TXNDC16: variants seen among roughly 807,000 people sequenced by gnomAD.
TXNDC16 encodes thioredoxin domain containing 16.
Under a neutral mutation model 85.6 loss-of-function variants are expected in TXNDC16, and 74 were observed. The ratio of observed to expected loss-of-function variants is 0.86; its 90% CI spans 0.72 to 1.05. The LOEUF is 1.05. Ranked by LOEUF, TXNDC16 falls within the 50% of genes least tolerant of loss-of-function variation. The pLI, the probability that TXNDC16 is intolerant of heterozygous loss-of-function variation, is 0.00. For synonymous variants in TXNDC16, 335 were observed against 326.5 expected (o/e 1.03, Z -0.28); for missense variants, 959 against 947.0 (o/e 1.01, Z -0.17).
intron 18 of TXNDC16, among the ~76,000 whole-genome samples, chr14:52,451,677 G>A (rs982843122): frequency 2.6e-5 from 4 of 151,888 alleles, no homozygotes; most frequent in East Asian, 1.9e-4. Context: ...AAAAAACTGG[G>A]TACAGAAGGA....
At chr14:52,536,621 T>G (rs2037706342) in intron 6 of TXNDC16, 98 bp downstream of exon 6, 1 of 1,114,686 alleles carries the variant, frequency 9.0e-7, no homozygotes, top group South Asian at 1.7e-5. Flanking sequence ...AAATATAATG[T>G]TAAAACCCTG....
In TXNDC16 at chr14:52,490,507, C is replaced by A. The variant is rs1461471632; in HGVS notation, c.924-56G>T. 48 of 1,283,868 alleles carry A rather than the reference C, an allele frequency of 3.7e-5. No homozygotes were observed. The East Asian group carries it at 1.1e-3, about 31-fold the overall frequency. The allele number at this position is 1,283,868 out of a possible 1,614,324, so 79.5% of individuals were successfully genotyped here. Reference sequence around the variant, plus strand: ...TTGCTAATCTGAAGAATAATAGTCACCCAGGACTTCAATAGAAAATAGAAC... The same window carrying A: ...TTGCTAATCTGAAGAATAATAGTCAACCAGGACTTCAATAGAAAATAGAAC... On this transcript the variant is annotated intron_variant, in intron 10 of 20. Transcript: ENST00000281741.
chr14:52,523,573 G>A (rs539252582), intron 6 of TXNDC16, among the ~76,000 whole-genome samples: 8 of 152,048 alleles, frequency 5.3e-5, no homozygotes, highest in Admixed American at 5.2e-4. Flanking sequence ...ATTATGACTG[G>A]GCAGATTCAC....
At chr14:52,517,802 A>C (rs2037119761) in intron 7 of TXNDC16, among the ~76,000 whole-genome samples, 1 of 152,066 alleles carries the variant, frequency 6.6e-6, no homozygotes, top group Non-Finnish European at 1.5e-5. Context: ...CTAACTCCAT[A>C]TATTCTTCCA....
intron 14 of TXNDC16, among the ~76,000 whole-genome samples, chr14:52,477,780 G>T (rs1424866661): frequency 6.6e-6 from 1 of 152,052 alleles, no homozygotes. Flanking sequence ...AAGACAGAAG[G>T]TCAACAAAGA....
rs1001608953 is a variant in TXNDC16, at chr14:52,470,074, C to A, written c.1581G>T (p.Val527=). ...LYKDLILYSS[V]SVLGLFSPTM... ...TTGGACTAAATAGTCCCAATACTGACACACTAGAATACAAGATGAGGTCTT... is the reference window on the plus strand; with the variant it reads ...TTGGACTAAATAGTCCCAATACTGAAACACTAGAATACAAGATGAGGTCTT... The change falls in exon 16 of 21, where the codon GTG becomes GTT. Residue 527 remains valine (V), a synonymous_variant. Transcript: ENST00000281741. 2 of 1,610,940 alleles carry A rather than the reference C, an allele frequency of 1.2e-6. No individual in the cohort carries two copies. Among genetic ancestry groups the A allele is most frequent in the African/African-American group, 2.7e-5 (2 of 74,790 alleles).
At chr14:52,528,831 G>GTA (rs201761395) in intron 6 of TXNDC16, among the ~76,000 whole-genome samples, 37,225 of 142,142 alleles carry the variant, frequency 0.26, 4,917 homozygotes, top group East Asian at 0.38. Flanking sequence ...TTATACCTAG[G>GTA]TATATATATA....
At chr14:52,489,501 C>T (rs1423749624) in intron 11 of TXNDC16, among the ~76,000 whole-genome samples, 2 of 151,856 alleles carry the variant, frequency 1.3e-5, no homozygotes, top group African/African-American at 4.8e-5. Flanking sequence ...ACATTATATT[C>T]GAAACGAGCA....
intron 16 of TXNDC16, among the ~76,000 whole-genome samples, chr14:52,461,104 T>C (rs2035643086): frequency 1.3e-5 from 2 of 151,478 alleles, no homozygotes. Context: ...TCTTTTTTTC[T>C]CACATTTTTA....
At chr14:52,478,448 G>T (rs2036067484) in intron 14 of TXNDC16, among the ~76,000 whole-genome samples, 6 of 152,078 alleles carry the variant, frequency 3.9e-5, no homozygotes, top group Admixed American at 3.9e-4. Flanking sequence ...ACCAAGAAAA[G>T]AAAAGAGGAA....
At position 52,542,450 on chromosome 14, in the gene TXNDC16, G is replaced by A; in HGVS notation, c.164C>T (p.Ser55Phe). The A allele has an allele frequency of 6.2e-7, 1 of 1,610,226 alleles. No individual in the cohort carries two copies. ...ASLAYFCQAD[S>F]PRTSVFLEEL... ...TTCAAGAAATACAGATGTTCTTGGGGAATCTAAAACAACAAATGTTTCATG... is the reference window on the plus strand; with the variant it reads ...TTCAAGAAATACAGATGTTCTTGGGAAATCTAAAACAACAAATGTTTCATG... The change falls in exon 4 of 21, where the codon TCC becomes TTC. Residue 55 changes from serine (S) to phenylalanine (F), a missense_variant. Coordinates refer to ENST00000281741, the MANE Select transcript of TXNDC16 (RefSeq NM_020784.3).
At chr14:52,494,539 GT>G (rs879839987) in intron 9 of TXNDC16, among the ~76,000 whole-genome samples, 11 of 151,114 alleles carry the variant, frequency 7.3e-5, no homozygotes, top group South Asian at 2.1e-4. Context: ...AAAAATGCCT[GT>G]TTTTTTTTCC....
chr14:52,520,729 G>A (rs1371113529), intron 6 of TXNDC16, among the ~76,000 whole-genome samples: 1 of 152,022 alleles, frequency 6.6e-6, no homozygotes, highest in Non-Finnish European at 1.5e-5. Context: ...ATTTTTGATA[G>A]GCTAAACTTC....
At chr14:52,527,009 G>T (rs1282254747) in intron 6 of TXNDC16, among the ~76,000 whole-genome samples, 1 of 152,230 alleles carries the variant, frequency 6.6e-6, no homozygotes, top group Non-Finnish European at 1.5e-5. Context: ...GGGCATGGAA[G>T]CTCCACGCCC....
At chr14:52,535,573 T>A (rs1205008865) in intron 6 of TXNDC16, among the ~76,000 whole-genome samples, 1 of 152,038 alleles carries the variant, frequency 6.6e-6, no homozygotes, top group Non-Finnish European at 1.5e-5. Context: ...GCTTATAACA[T>A]TAAATTAGAA....
rs570933236 is a variant in TXNDC16 at position 52,451,870 on chromosome 14, A to C, written c.1842+3454T>G. Among the ~76,000 whole-genome samples, 3 of 152,330 alleles carry C rather than the reference A, an allele frequency of 2.0e-5. No homozygotes were observed. The South Asian group carries it at 6.2e-4, about 32-fold the overall frequency. ...CAAACAAGACAAAGAAATAATAGGC[A>C]TCCAAATTGGAAGGGAAGAAGTCAA... is the stretch of plus-strand genomic sequence containing the variant. On this transcript the variant is annotated intron_variant, in intron 18 of 20. Coordinates refer to ENST00000281741, the MANE Select transcript of TXNDC16 (RefSeq NM_020784.3).
At chr14:52,502,946 C>T (rs1266613101) in intron 9 of TXNDC16, among the ~76,000 whole-genome samples, 3 of 152,120 alleles carry the variant, frequency 2.0e-5, no homozygotes, top group Non-Finnish European at 4.4e-5. Context: ...TTGAGGGCTC[C>T]GAGGGTCCTA....
intron 18 of TXNDC16, among the ~76,000 whole-genome samples, chr14:52,446,867 G>A (rs1015135479): frequency 6.6e-6 from 1 of 152,038 alleles, no homozygotes; most frequent in Admixed American, 6.5e-5. Flanking sequence ...CCTAGTCCTG[G>A]CAGCATTTAT....
intron 6 of TXNDC16, among the ~76,000 whole-genome samples, chr14:52,529,859 TATAATATG>T (rs1382521422): frequency 1.9e-5 from 2 of 105,430 alleles, no homozygotes; most frequent in African/African-American, 8.3e-5. Context: ...ACCTATTATA[TATAATATG>T]ATACCTATTA....
Sources: gnomAD v4.1 joint callset for allele counts (sites outside exome capture counted in the v4.1 genomes callset) on GRCh38, gnomAD v4.1.1 for gene constraint, MANE v1.5 for transcripts, NCBI Gene and HGNC (gene_info 2026-07-23, HGNC 2026-07-21) for gene names.